AFG1L: variants seen among roughly 807,000 people sequenced by gnomAD.
AFG1L encodes AFG1 like ATPase, also known as AFG1-like ATPase.
In AFG1L, 53 loss-of-function variants were observed where a neutral mutation model predicts 62.2. The observed-to-expected ratio is 0.85, with a 90% CI of 0.68 to 1.07. AFG1L has a LOEUF of 1.07. AFG1L is among the 50% of genes least tolerant of loss of function. AFG1L has a pLI of 0.00. For synonymous variants in AFG1L, 228 were observed against 210.3 expected (o/e 1.08, Z -0.73); for missense variants, 555 against 590.5 (o/e 0.94, Z 0.62).
intron 7 of AFG1L, among the ~76,000 whole-genome samples, chr6:108,402,328 T>G (rs1242107633): frequency 7.5e-6 from 1 of 133,014 alleles, no homozygotes; most frequent in African/African-American, 3.2e-5. Context: ...CTGGGTGTGG[T>G]GGCATGCACC....
chr6:108,445,633 T>TGAGAGAGAGAGAGAGA (rs59323063), intron 7 of AFG1L, among the ~76,000 whole-genome samples: 104 of 130,140 alleles, frequency 8.0e-4, no homozygotes, highest in African/African-American at 2.9e-3. Context: ...ACACCTAAGG[T>TGAGAGAGAGAGAGAGA]GAGAGAGAGA....
intron 7 of AFG1L, among the ~76,000 whole-genome samples, chr6:108,405,366 G>C (rs1390976439): frequency 6.6e-6 from 1 of 152,132 alleles, no homozygotes; most frequent in Non-Finnish European, 1.5e-5. Flanking sequence ...TACATTTTGA[G>C]ACAGGGTCTC....
intron 8 of AFG1L, among the ~76,000 whole-genome samples, chr6:108,469,908 G>C (rs535054702): frequency 6.6e-6 from 1 of 152,286 alleles, no homozygotes; most frequent in South Asian, 2.1e-4. Context: ...CTGGAGTGGA[G>C]GAGGGCAGGA....
At chr6:108,519,599 T>C in intron 11 of AFG1L, 98 bp from the exon 12 acceptor site, 1 of 676,146 alleles carries the variant, frequency 1.5e-6, no homozygotes, top group South Asian at 1.8e-5. Context: ...TCCAAGCTCC[T>C]GTATGTGAAA....
intron 2 of AFG1L, among the ~76,000 whole-genome samples, chr6:108,335,510 A>G (rs930072360): frequency 1.3e-5 from 2 of 152,130 alleles, no homozygotes; most frequent in Admixed American, 1.3e-4. Flanking sequence ...CCTCCTTAAC[A>G]TCAGTTTTTA....
intron 7 of AFG1L, among the ~76,000 whole-genome samples, chr6:108,438,133 A>C (rs1771391880): frequency 3.3e-5 from 5 of 152,122 alleles, no homozygotes; most frequent in Admixed American, 3.3e-4. Context: ...TCTTTTAGAA[A>C]ATGCCTTTCT....
At chr6:108,409,656 G>A (rs77162166) in intron 7 of AFG1L, among the ~76,000 whole-genome samples, 1 of 152,214 alleles carries the variant, frequency 6.6e-6, no homozygotes, top group East Asian at 1.9e-4. Context: ...AAGTGAGCTG[G>A]CAGAGCAGCT....
Position 108,404,451 on chromosome 6 carries a change from A to G in AFG1L, c.807+2397A>G, listed in dbSNP as rs879291625. ...CTTAGTAAAGCCTGCTTTATGGCCC[A>G]ACATGTGGACAATTTTTGTAAATAT... On this transcript the variant is annotated intron_variant, in intron 7 of 12. Coordinates refer to ENST00000368977, the MANE Select transcript of AFG1L (RefSeq NM_145315.5). 8.8e-4 allele frequency among the ~76,000 whole-genome samples: 134 copies of G among 152,244 alleles called. 3 individuals carry two copies. Among genetic ancestry groups the G allele is most frequent in the Middle Eastern group, 3.4e-3 (1 of 294 alleles).
chr6:108,401,288 G>T (rs1483647772), intron 6 of AFG1L, among the ~76,000 whole-genome samples: 3 of 151,624 alleles, frequency 2.0e-5, no homozygotes, highest in African/African-American at 7.3e-5. Context: ...GACTAGAGGC[G>T]CCCGCCACCG....
In AFG1L at chr6:108,447,289, T is replaced by C. The variant is rs1236927719; in HGVS notation, c.883T>C (p.Tyr295His). ...GGAACTTCCTGCTGCAGGAAAACTC[T>C]ACTACCTGTAAGTGTTTCTAATTTT... is the stretch of plus-strand genomic sequence containing the variant. ...KRELPAAGKL[Y>H]YLTSEADVEA... The change falls in exon 8 of 13, where the codon TAC becomes CAC. Residue 295 changes from tyrosine (Y) to histidine (H), a missense_variant. Transcript: ENST00000368977. 2 of 1,582,360 alleles carry C rather than the reference T, an allele frequency of 1.3e-6. No homozygotes were observed. The highest frequency in any genetic ancestry group is 3.3e-5 in the Admixed American group (2 of 59,746).
intron 2 of AFG1L, among the ~76,000 whole-genome samples, chr6:108,327,909 G>T (rs1259292818): frequency 6.6e-6 from 1 of 152,188 alleles, no homozygotes; most frequent in Non-Finnish European, 1.5e-5. Context: ...CCAGCGTAAA[G>T]ATTGGCTTAC....
intron 10 of AFG1L, among the ~76,000 whole-genome samples, chr6:108,494,912 A>G (rs1773917336): frequency 6.6e-6 from 1 of 151,618 alleles, no homozygotes; most frequent in Non-Finnish European, 1.5e-5. Flanking sequence ...CTAGGATTAC[A>G]GGCGTGCACC....
chr6:108,323,669 A>G (rs1193125554), intron 1 of AFG1L, among the ~76,000 whole-genome samples, 156 bp from the exon 2 acceptor site: 1 of 152,174 alleles, frequency 6.6e-6, no homozygotes, highest in African/African-American at 2.4e-5. Flanking sequence ...CTGAAAATGT[A>G]TTTTATATTA....
At position 108,490,786 on chromosome 6, in the gene AFG1L, G is replaced by A. The variant is rs117952701; in HGVS notation, c.1062+13494G>A. ...TTTATGCCAAATTCCATTCAATTTC[G>A]TGTTCATGAAATAGATTTCTACTTC... On this transcript the variant is annotated intron_variant, in intron 10 of 12. Coordinates refer to ENST00000368977, the MANE Select transcript of AFG1L (RefSeq NM_145315.5). 2.2e-4 allele frequency among the ~76,000 whole-genome samples: 33 copies of A among 151,974 alleles called. No homozygotes were observed. The East Asian group carries it at 6.2e-3, about 29-fold the overall frequency.
intron 1 of AFG1L, among the ~76,000 whole-genome samples, chr6:108,315,442 C>T (rs1777554746): frequency 1.3e-5 from 2 of 152,168 alleles, no homozygotes; most frequent in African/African-American, 2.4e-5. Flanking sequence ...TTCCCTGGCA[C>T]AGTGCTTCTC....
At chr6:108,447,075 C>T (rs906098356) in intron 7 of AFG1L, 139 bp from the exon 8 acceptor site, 3 of 419,054 alleles carry the variant, frequency 7.2e-6, no homozygotes, top group Non-Finnish European at 1.3e-5. Flanking sequence ...TGCATGAGTT[C>T]TGTTGTTTTC....
At chr6:108,328,120 A>G (rs559427771) in intron 2 of AFG1L, among the ~76,000 whole-genome samples, 1 of 152,234 alleles carries the variant, frequency 6.6e-6, no homozygotes, top group Admixed American at 6.5e-5. Context: ...TGAAAAATAT[A>G]GACTGCTTAT....
chr6:108,298,723 GAC>G (rs1276504221), intron 1 of AFG1L, among the ~76,000 whole-genome samples: 1 of 152,154 alleles, frequency 6.6e-6, no homozygotes, highest in East Asian at 1.9e-4. Context: ...AGCTCAGTGG[GAC>G]ACTAGTGGAA....
intron 2 of AFG1L, among the ~76,000 whole-genome samples, chr6:108,325,452 T>A (rs1582376735): frequency 6.8e-6 from 1 of 146,382 alleles, no homozygotes; most frequent in Non-Finnish European, 1.5e-5. Flanking sequence ...TTTTTTTTTT[T>A]AAACCTAATT....
Sources: allele counts gnomAD v4.1 joint callset (sites outside exome capture counted in the v4.1 genomes callset), GRCh38; gene constraint gnomAD v4.1.1; transcripts MANE v1.5; gene names NCBI Gene and HGNC (gene_info 2026-07-23, HGNC 2026-07-21).